Variants in PRKCB observed in about 807,000 individuals in gnomAD.
PRKCB encodes the protein protein kinase C beta, also known as protein kinase C beta type.
A neutral mutation model predicts 81.5 loss-of-function variants in PRKCB; 13 were observed. The observed-to-expected ratio is 0.16, with a 90% CI of 0.10 to 0.25. The LOEUF (loss-of-function observed/expected upper bound fraction) is 0.25, where lower values mean the gene tolerates loss of function less well. Among genes scored for constraint, PRKCB ranks in the 10% least tolerant of loss-of-function variants. PRKCB has a pLI of 1.00. For missense variants in PRKCB, 509 were observed against 875.7 expected (o/e 0.58, Z 5.29); for synonymous variants, 335 against 321.4 (o/e 1.04, Z -0.45).
intron 5 of PRKCB, among the ~76,000 whole-genome samples, chr16:24,091,425 T>G (rs1444100264): frequency 6.6e-6 from 1 of 152,220 alleles, no homozygotes; most frequent in Admixed American, 6.5e-5. Flanking sequence ...TGATTGACAT[T>G]GTATCCTTAA....
At position 24,136,093 on chromosome 16, in the gene PRKCB, C is replaced by T. The variant is rs768677122; in HGVS notation, c.1065+12112C>T. ...CTTTCATATGCAATTCTGATTGCAGCGTGTTTTTTTTTTTTTTTTTGCCAA... is the reference window on the plus strand; with the variant it reads ...CTTTCATATGCAATTCTGATTGCAGTGTGTTTTTTTTTTTTTTTTTGCCAA... On this transcript the variant is annotated intron_variant, in intron 9 of 16. Transcript: ENST00000643927. 1.0e-4 allele frequency among the ~76,000 whole-genome samples: 15 copies of T among 147,626 alleles called. 1 individual carries two copies. Among genetic ancestry groups the T allele is most frequent in the Non-Finnish European group, 1.5e-4 (10 of 67,414 alleles).
chr16:23,978,846 G>A (rs1199894702), intron 2 of PRKCB, among the ~76,000 whole-genome samples: 1 of 152,218 alleles, frequency 6.6e-6, no homozygotes, highest in Non-Finnish European at 1.5e-5. Context: ...TAGCTGGCAT[G>A]AATGAAGATT....
chr16:24,161,175 C>T (rs1386406451), intron 10 of PRKCB, among the ~76,000 whole-genome samples: 1 of 152,032 alleles, frequency 6.6e-6, no homozygotes, highest in Non-Finnish European at 1.5e-5. Context: ...CAGCAATGTA[C>T]AAAACCATTT....
At chr16:23,950,251 C>A (rs186961437) in intron 2 of PRKCB, among the ~76,000 whole-genome samples, 16 of 148,308 alleles carry the variant, frequency 1.1e-4, no homozygotes, top group Admixed American at 4.8e-4. Flanking sequence ...AGGTTCCAGA[C>A]TCTGTGTGTC....
intron 16 of PRKCB, among the ~76,000 whole-genome samples, chr16:24,209,647 CA>C (rs1968107691): frequency 6.6e-6 from 1 of 152,102 alleles, no homozygotes; most frequent in African/African-American, 2.4e-5. Flanking sequence ...ATATACCCCA[CA>C]TCCGAATGCA....
chr16:24,202,011 G>C (rs1440913165), intron 16 of PRKCB, among the ~76,000 whole-genome samples: 1 of 150,336 alleles, frequency 6.7e-6, no homozygotes, highest in Non-Finnish European at 1.5e-5. Context: ...AGTCCAGCCT[G>C]GGCAAAAGAG....
intron 5 of PRKCB, among the ~76,000 whole-genome samples, chr16:24,084,690 A>G (rs1371991909): frequency 6.6e-6 from 1 of 152,162 alleles, no homozygotes; most frequent in Non-Finnish European, 1.5e-5. Flanking sequence ...ATTTTCCGAT[A>G]AAAATAAAAC....
At chr16:24,121,747 C>G in intron 8 of PRKCB, among the ~76,000 whole-genome samples, 1 of 152,202 alleles carries the variant, frequency 6.6e-6, no homozygotes, top group Admixed American at 6.5e-5. Flanking sequence ...TATTTTGCCT[C>G]TTTATCTTCA....
intron 2 of PRKCB, among the ~76,000 whole-genome samples, chr16:23,944,274 T>A (rs1207713439): frequency 6.6e-6 from 1 of 152,224 alleles, no homozygotes; most frequent in Non-Finnish European, 1.5e-5. Flanking sequence ...TGCCTCAAAG[T>A]CTATATAATT....
At chr16:23,852,914 A>G (rs1191719374) in intron 2 of PRKCB, among the ~76,000 whole-genome samples, 1 of 152,236 alleles carries the variant, frequency 6.6e-6, no homozygotes, top group African/African-American at 2.4e-5. Context: ...TGAGCCTGAG[A>G]AATGTTAGCT....
At chr16:23,915,180 GT>G (rs1963720204) in intron 2 of PRKCB, among the ~76,000 whole-genome samples, 1 of 152,164 alleles carries the variant, frequency 6.6e-6, no homozygotes, top group Non-Finnish European at 1.5e-5. Context: ...ACACATTACT[GT>G]TTACATGACT....
At chr16:24,040,474 G>A (rs140932401) in intron 5 of PRKCB, among the ~76,000 whole-genome samples, 235 of 152,198 alleles carry the variant, frequency 1.5e-3, no homozygotes, top group African/African-American at 5.5e-3. Flanking sequence ...AGACACTCAT[G>A]GTAACCTGAG....
chr16:23,987,731 C>T (rs900521868), intron 2 of PRKCB, among the ~76,000 whole-genome samples: 10 of 152,116 alleles, frequency 6.6e-5, no homozygotes, highest in African/African-American at 2.2e-4. Flanking sequence ...ACCCGTCCTC[C>T]AGAAACCCGC....
At chr16:23,996,547 G>A (rs1964959392) in intron 3 of PRKCB, among the ~76,000 whole-genome samples, 1 of 152,158 alleles carries the variant, frequency 6.6e-6, no homozygotes, top group South Asian at 2.1e-4. Context: ...TATGGAAGAG[G>A]CAGCATTTTA....
At position 24,181,040 on chromosome 16, in the gene PRKCB, A is replaced by G. The variant is rs2141972548; in HGVS notation, c.1533+112A>G. The G allele has an allele frequency of 3.0e-6, 4 of 1,341,386 alleles. No individual in the cohort carries two copies. The South Asian group carries it at 4.4e-5, about 15-fold the overall frequency. The allele number at this position is 1,341,386 out of a possible 1,614,324, so 83.1% of individuals were successfully genotyped here. A position where few individuals can be genotyped will look rare whatever the true frequency, so the allele number is the denominator to read the frequency against. ...GTGGTACCTTGCAAGGGAACCTCGG[A>G]CAGATTCTTATTCTATACTCTAAAT... is the stretch of plus-strand genomic sequence containing the variant. On this transcript the variant is annotated intron_variant, in intron 13 of 16. Coordinates refer to ENST00000643927, the MANE Select transcript of PRKCB (RefSeq NM_002738.7).
Position 24,184,903 on chromosome 16 carries a change from C to T in PRKCB, c.1534-208C>T, listed in dbSNP as rs76582194. On this transcript the variant is annotated intron_variant, in intron 13 of 16. Coordinates refer to ENST00000643927, the MANE Select transcript of PRKCB (RefSeq NM_002738.7). ...AAAATAATAATAACAATACACCTTA[C>T]TTAGTGCTTCGAAAAGGCAATGTGA... 8.0e-3 allele frequency among the ~76,000 whole-genome samples: 1,216 copies of T among 152,326 alleles called. 12 individuals are homozygous for T. Among genetic ancestry groups the T allele is most frequent in the African/African-American group, 0.028 (1,150 of 41,566 alleles).
intron 2 of PRKCB, among the ~76,000 whole-genome samples, chr16:23,903,554 G>A (rs535126528): frequency 1.1e-4 from 17 of 152,262 alleles, no homozygotes; most frequent in African/African-American, 3.9e-4. Context: ...TTCTACCCTA[G>A]ATCTTTCAGA....
intron 2 of PRKCB, among the ~76,000 whole-genome samples, chr16:23,845,120 G>T (rs566462251): frequency 6.6e-6 from 1 of 152,234 alleles, no homozygotes; most frequent in Non-Finnish European, 1.5e-5. Flanking sequence ...TAAGTTCTAT[G>T]TGTCAAGTTC....
intron 2 of PRKCB, among the ~76,000 whole-genome samples, chr16:23,898,907 A>C (rs1031492472): frequency 1.3e-5 from 2 of 152,314 alleles, no homozygotes; most frequent in South Asian, 2.1e-4. Context: ...GTGATCGTGT[A>C]TACTTCATCA....
Sources: gnomAD v4.1 joint callset for allele counts (sites outside exome capture counted in the v4.1 genomes callset) on GRCh38, gnomAD v4.1.1 for gene constraint, MANE v1.5 for transcripts, NCBI Gene and HGNC (gene_info 2026-07-23, HGNC 2026-07-21) for gene names.